Variants in CACNA1E observed in about 807,000 individuals in gnomAD.
CACNA1E encodes the protein calcium voltage-gated channel subunit alpha1 E, also known as voltage-dependent R-type calcium channel subunit alpha-1E.
A neutral mutation model predicts 259.2 loss-of-function variants in CACNA1E; 40 were observed. The ratio of observed to expected loss-of-function variants is 0.15; its 90% CI spans 0.12 to 0.20. The LOEUF (loss-of-function observed/expected upper bound fraction) is 0.20, where lower values mean the gene tolerates loss of function less well. Among genes scored for constraint, CACNA1E ranks in the 10% least tolerant of loss-of-function variants. CACNA1E has a pLI of 1.00. For synonymous variants in CACNA1E, 1,104 were observed against 1,138.5 expected (o/e 0.97, Z 0.61); for missense variants, 1,874 against 3,040.1 (o/e 0.62, Z 9.02).
chr1:181,713,636 A>T (rs952085475), intron 8 of CACNA1E, among the ~76,000 whole-genome samples: 3 of 152,200 alleles, frequency 2.0e-5, no homozygotes, highest in African/African-American at 7.2e-5. Context: ...AAAAGTGTTT[A>T]AATTAAACCA....
chr1:181,483,576 GGCT>G lies in CACNA1E; in HGVS notation c.-157_-155del, dbSNP rs2102466899. 12 of 448,616 alleles carry G rather than the reference GGCT, an allele frequency of 2.7e-5. No individual in the cohort carries two copies. Among genetic ancestry groups the G allele is most frequent in the South Asian group, 1.7e-4 (3 of 17,302 alleles). 27.8% of individuals were successfully genotyped at this position (448,616 alleles called of 1,614,324 possible). A position where few individuals can be genotyped will look rare whatever the true frequency, so the allele number is the denominator to read the frequency against. On this transcript the variant is annotated 5_prime_UTR_variant, in exon 1 of 48. Transcript: ENST00000367573. ...TTAGATTCAACAGTTCACAGCGGCG[GGCT>G]GCTGCTGCTGCCTCTCCGAAGAGCT... is the stretch of plus-strand genomic sequence containing the variant.
Position 181,796,582 on chromosome 1 carries a change from G to A in CACNA1E, c.6209-86G>A, listed in dbSNP as rs545414437. On this transcript the variant is annotated intron_variant, in intron 46 of 47. Transcript: ENST00000367573. Reference sequence around the variant, plus strand: ...CTCTGAGGGCCCAACCCCAGGCTGTGATGTGATACTTGGAGAGAAGTCCCT... The same window carrying A: ...CTCTGAGGGCCCAACCCCAGGCTGTAATGTGATACTTGGAGAGAAGTCCCT... 440 of 1,022,472 alleles carry A rather than the reference G, an allele frequency of 4.3e-4. 1 individual carries two copies. The African/African-American group carries it at 5.5e-3, about 13-fold the overall frequency. The allele number at this position is 1,022,472 out of a possible 1,614,324, so 63.3% of individuals were successfully genotyped here.
chr1:181,575,033 A>C (rs1650825306), intron 3 of CACNA1E, among the ~76,000 whole-genome samples: 1 of 152,004 alleles, frequency 6.6e-6, no homozygotes, highest in Non-Finnish European at 1.5e-5. Context: ...TCAAAAAAAA[A>C]AAAAGAATCC....
intron 6 of CACNA1E, among the ~76,000 whole-genome samples, chr1:181,620,118 A>G (rs1002103310): frequency 1.1e-4 from 16 of 152,130 alleles, no homozygotes; most frequent in African/African-American, 3.9e-4. Context: ...TATGGCCAAG[A>G]TAGGGTTTTC....
chr1:181,694,816 G>A (rs1651540890), intron 7 of CACNA1E, among the ~76,000 whole-genome samples: 1 of 152,132 alleles, frequency 6.6e-6, no homozygotes, highest in South Asian at 2.1e-4. Context: ...ATCTGGAAAT[G>A]GGCAAGGACT....
chr1:181,698,918 G>A (rs1045336782), intron 7 of CACNA1E, among the ~76,000 whole-genome samples: 8 of 152,138 alleles, frequency 5.3e-5, no homozygotes, highest in African/African-American at 1.7e-4. Flanking sequence ...AGACTACAGA[G>A]GGACAAAGTC....
At chr1:181,467,708 T>C (rs546502634) in intron 2 of CACNA1E, among the ~76,000 whole-genome samples, 1 of 152,164 alleles carries the variant, frequency 6.6e-6, no homozygotes, top group South Asian at 2.1e-4. Context: ...AAAATGAAAG[T>C]GTACATAGTG....
In CACNA1E at chr1:181,776,005, TA is replaced by T; in HGVS notation, c.5140-92del. ...CATACCTCTGTTCTGGCTCGTTTGCTAAAACACCCTCCTCCATGCCCTGAAG... is the reference window on the plus strand; with the variant it reads ...CATACCTCTGTTCTGGCTCGTTTGCTAAACACCCTCCTCCATGCCCTGAAG... On this transcript the variant is annotated intron_variant, in intron 37 of 47. Coordinates refer to ENST00000367573, the MANE Select transcript of CACNA1E (RefSeq NM_001205293.3). This position sits in a 1 kb window ranked among gnomAD's most constrained non-coding sequence, Gnocchi z 4.4. 8.2e-7 allele frequency: 1 copy of T among 1,222,552 alleles called. No homozygotes were observed. Among genetic ancestry groups the T allele is most frequent in the Admixed American group, 2.1e-5 (1 of 47,336 alleles). 75.7% of individuals were successfully genotyped at this position (1,222,552 alleles called of 1,614,324 possible).
chr1:181,757,914 G>A (rs767892227), intron 30 of CACNA1E, 33 bp from the exon 31 acceptor site: 2 of 1,609,912 alleles, frequency 1.2e-6, no homozygotes, highest in East Asian at 4.5e-5. Context: ...TAGGGGATTT[G>A]AATTTGTGCT....
intron 23 of CACNA1E, 102 bp downstream of exon 23, chr1:181,737,756 T>C: frequency 4.8e-6 from 7 of 1,469,512 alleles, no homozygotes; most frequent in Admixed American, 2.0e-5. Context: ...TTCTGGGGAA[T>C]GAGCAAGGGT....
At chr1:181,654,999 A>G (rs886759706) in intron 7 of CACNA1E, among the ~76,000 whole-genome samples, 4 of 151,502 alleles carry the variant, frequency 2.6e-5, no homozygotes, top group African/African-American at 9.6e-5. Context: ...AAAAAAAAAA[A>G]AAAAGAAACA....
chr1:181,785,759 A>C lies in CACNA1E; in HGVS notation c.5726A>C (p.Gln1909Pro), dbSNP rs1406883950. The change falls in exon 43 of 48, where the codon CAG (glutamine) becomes CCG (proline). Residue 1909 changes from glutamine to proline, a missense_variant. Coordinates refer to ENST00000367573, the MANE Select transcript of CACNA1E (RefSeq NM_001205293.3). The stretch of plus-strand genomic sequence containing the variant: ...CGCATGGAGCCTTCATCTCTGCCTC[A>C]GGAGATCATTGCTAATGCCAAAGCC... ...FQRMEPSSLP[Q>P]EIIANAKALP... 6.2e-7 allele frequency: 1 copy of C among 1,613,222 alleles called. No homozygotes were observed. The highest frequency in any genetic ancestry group is 8.5e-7 in the Non-Finnish European group (1 of 1,179,720).
Position 181,711,084 on chromosome 1 carries a change from C to T in CACNA1E, c.1171+15C>T, listed in dbSNP as rs767034480. ...AGACAAAGCAGGTAGGCCTGGGGGG[C>T]TGCAGGAGGCTGGTGAGTGGGCTGC... is the stretch of plus-strand genomic sequence containing the variant. On this transcript the variant is annotated intron_variant, in intron 8 of 47. Transcript: ENST00000367573. The T allele has an allele frequency of 1.0e-4, 163 of 1,560,532 alleles. No homozygotes were observed. Among genetic ancestry groups the T allele is most frequent in the Non-Finnish European group, 1.4e-4 (155 of 1,131,420 alleles).
chr1:181,684,456 T>C (rs527466494), intron 7 of CACNA1E, among the ~76,000 whole-genome samples: 3 of 152,338 alleles, frequency 2.0e-5, no homozygotes, highest in South Asian at 2.1e-4. Context: ...TAGTTTCTTT[T>C]GCTGTGCAGA....
intron 3 of CACNA1E, among the ~76,000 whole-genome samples, chr1:181,517,089 G>C (rs1405185000): frequency 6.6e-6 from 1 of 152,244 alleles, no homozygotes; most frequent in Non-Finnish European, 1.5e-5. Context: ...GGTGGTGGGG[G>C]CTGGAGCCAC....
intron 27 of CACNA1E, among the ~76,000 whole-genome samples, chr1:181,753,188 T>C (rs1426460098): frequency 2.0e-5 from 3 of 152,190 alleles, no homozygotes; most frequent in Admixed American, 2.0e-4. Flanking sequence ...CTCAATTCCC[T>C]AACTTCAGCA....
At chr1:181,603,873 G>A (rs986249033) in intron 6 of CACNA1E, among the ~76,000 whole-genome samples, 2 of 152,178 alleles carry the variant, frequency 1.3e-5, no homozygotes, top group African/African-American at 4.8e-5. Context: ...CTGGCTCACC[G>A]TCAGGTGTTG....
intron 6 of CACNA1E, among the ~76,000 whole-genome samples, chr1:181,614,572 CA>C (rs950144401): frequency 6.6e-6 from 1 of 152,168 alleles, no homozygotes. Flanking sequence ...GAGCTCATTG[CA>C]ATAGCAACAG....
chr1:181,732,928 C>T lies in CACNA1E; in HGVS notation c.2842C>T (p.Leu948=). ...CAGGTCTGCCAGCCAGGAACGCAGT[C>T]TGGATGAAGCCATGCCCACTGAAGG... is the stretch of plus-strand genomic sequence containing the variant. The part of the protein sequence containing the change: ...RSRSASQERS[L]DEAMPTEGEK... The change falls in exon 20 of 48, where the codon CTG becomes TTG. Residue 948 remains leucine, a synonymous_variant. Coordinates refer to ENST00000367573, the MANE Select transcript of CACNA1E (RefSeq NM_001205293.3). This position sits in a 1 kb window ranked among gnomAD's most constrained non-coding sequence, Gnocchi z 5.5. 6.2e-7 allele frequency: 1 copy of T among 1,614,038 alleles called. No individual in the cohort carries two copies.
Sources: gnomAD v4.1 joint callset for allele counts (sites outside exome capture counted in the v4.1 genomes callset) on GRCh38, gnomAD v4.1.1 for gene constraint, Gnocchi (gnomAD v3.1) non-coding constraint, MANE v1.5 for transcripts, NCBI Gene and HGNC (gene_info 2026-07-23, HGNC 2026-07-21) for gene names.